RTL4: variants seen among roughly 807,000 people sequenced by gnomAD.
RTL4 encodes the protein retrotransposon Gag-like protein 4.
A neutral mutation model predicts 5.3 loss-of-function variants in RTL4; 4 were observed. That is an observed-to-expected ratio of 0.75 (90% CI 0.37 to 1.72). The LOEUF (loss-of-function observed/expected upper bound fraction) is 1.72. RTL4 is among the 40% of genes most tolerant of loss of function. The pLI is 0.04. For missense variants in RTL4, 260 were observed against 227.1 expected (o/e 1.14, Z -0.93); for synonymous variants, 98 against 87.3 (o/e 1.12, Z -0.68).
the RTL4 span, among the ~76,000 whole-genome samples, chrX:112,187,671 T>C: frequency 1.8e-5 from 2 of 111,667 alleles, no homozygotes; most frequent in South Asian, 7.5e-4. Flanking sequence ...AGGACAAACC[T>C]ACCCACGGAA....
chrX:112,084,087 T>G, the RTL4 span, among the ~76,000 whole-genome samples: 3 of 110,995 alleles, frequency 2.7e-5, no homozygotes, highest in Non-Finnish European at 5.7e-5. Flanking sequence ...TTTAACCCCC[T>G]CTGCACGCCC....
chrX:112,245,243 C>T, the RTL4 span, among the ~76,000 whole-genome samples: 1 of 111,005 alleles, frequency 9.0e-6, no homozygotes, highest in Non-Finnish European at 1.9e-5. Context: ...TGTTGGCCTG[C>T]CTTGCTAGGT....
At chrX:112,233,508 C>T in the RTL4 span, among the ~76,000 whole-genome samples, 1 of 110,987 alleles carries the variant, frequency 9.0e-6, no homozygotes, top group Admixed American at 9.6e-5. Flanking sequence ...TGTATGGAGT[C>T]AGCTATTTGT....
chrX:112,169,092 C>CTTTCTTT, the RTL4 span, among the ~76,000 whole-genome samples: 19 of 37,986 alleles, frequency 5.0e-4, no homozygotes, highest in East Asian at 3.0e-3. Context: ...TCTTTTCTTT[C>CTTTCTTT]TTTCTTTCTT....
the RTL4 span, among the ~76,000 whole-genome samples, chrX:112,085,637 C>A: frequency 9.0e-6 from 1 of 111,666 alleles, no homozygotes; most frequent in African/African-American, 3.3e-5. Context: ...CAGTAGGAAC[C>A]CACACCCCAT....
exon 1 of RTL4, chrX:112,455,703 C>T: frequency 9.0e-7 from 1 of 1,116,791 alleles, no homozygotes; most frequent in Non-Finnish European, 1.2e-6. Context: ...ACATCCCAGC[C>T]TTACTGATTT....
chrX:112,107,229 A>T, the RTL4 span, among the ~76,000 whole-genome samples: 1 of 111,497 alleles, frequency 9.0e-6, no homozygotes, highest in African/African-American at 3.3e-5. Context: ...CTCAATTTGG[A>T]ATTTTTGATG....
the RTL4 span, among the ~76,000 whole-genome samples, chrX:112,380,864 G>A: frequency 1.3e-4 from 15 of 111,913 alleles, no homozygotes; most frequent in African/African-American, 4.6e-4. Flanking sequence ...AGCCTGGGAG[G>A]GCTTTTGTCC....
the RTL4 span, among the ~76,000 whole-genome samples, chrX:112,366,633 A>C: frequency 8.9e-6 from 1 of 112,024 alleles, no homozygotes; most frequent in Non-Finnish European, 1.9e-5. Flanking sequence ...CACATTCCTC[A>C]TGTGTCCCTG....
At chrX:112,365,343 T>C in the RTL4 span, among the ~76,000 whole-genome samples, 4 of 110,938 alleles carry the variant, frequency 3.6e-5, no homozygotes, top group Non-Finnish European at 7.6e-5. Context: ...GGCCAGATCA[T>C]GAAGAGTCGT....
chrX:112,288,836 C>A, the RTL4 span, among the ~76,000 whole-genome samples: 1 of 111,420 alleles, frequency 9.0e-6, no homozygotes, highest in African/African-American at 3.3e-5. Flanking sequence ...ATCTCATCAT[C>A]TTCATCCAAA....
chrX:112,289,809 T>A, the RTL4 span, among the ~76,000 whole-genome samples: 1 of 111,044 alleles, frequency 9.0e-6, no homozygotes, highest in Admixed American at 9.7e-5. Flanking sequence ...AAAATACACA[T>A]ACATACACAT....
chrX:112,096,993 G>C, the RTL4 span, among the ~76,000 whole-genome samples: 1 of 112,273 alleles, frequency 8.9e-6, no homozygotes, highest in Non-Finnish European at 1.9e-5. Context: ...AGAGATTAAA[G>C]TGTGCCTTTA....
the RTL4 span, among the ~76,000 whole-genome samples, chrX:112,091,496 G>A: frequency 1.3e-3 from 142 of 111,568 alleles, no homozygotes; most frequent in African/African-American, 3.6e-3. Context: ...TCTTTGATAC[G>A]TTTGTCGTTT....
chrX:112,399,028 A>T, the RTL4 span, among the ~76,000 whole-genome samples: 2 of 112,183 alleles, frequency 1.8e-5, no homozygotes, highest in Non-Finnish European at 3.8e-5. Context: ...TTCTTGGTTG[A>T]ACCTTGATAG....
At chrX:112,236,898 T>C in the RTL4 span, among the ~76,000 whole-genome samples, 1 of 111,320 alleles carries the variant, frequency 9.0e-6, no homozygotes, top group Admixed American at 9.6e-5. Context: ...ATGGGACTGA[T>C]GTTGTCACAA....
the RTL4 span, among the ~76,000 whole-genome samples, chrX:112,266,187 C>T: frequency 9.0e-6 from 1 of 110,775 alleles, no homozygotes; most frequent in Non-Finnish European, 1.9e-5. Flanking sequence ...ACCCAAGCAG[C>T]AGACTTAATT....
At chrX:112,417,705 T>G in the RTL4 span, among the ~76,000 whole-genome samples, 3 of 111,162 alleles carry the variant, frequency 2.7e-5, no homozygotes, top group Non-Finnish European at 5.7e-5. Flanking sequence ...TGTTATCTAC[T>G]TGACCCCTGC....
At chrX:112,338,290 G>A in the RTL4 span, among the ~76,000 whole-genome samples, 1 of 111,524 alleles carries the variant, frequency 9.0e-6, no homozygotes, top group Admixed American at 9.5e-5. Flanking sequence ...GGGAATTAAG[G>A]GAAAAGGTGT....
Sources: allele counts gnomAD v4.1 joint callset (sites outside exome capture counted in the v4.1 genomes callset), GRCh38; gene constraint gnomAD v4.1.1; transcripts MANE v1.5; gene names NCBI Gene and HGNC (gene_info 2026-07-23, HGNC 2026-07-21).